The following MAGI2 variants were observed in gnomAD, a reference collection of about 807,000 sequenced individuals.
The protein encoded by MAGI2 is membrane-associated guanylate kinase, WW and PDZ domain-containing protein 2.
MAGI2 carries 35 observed loss-of-function variants against 133.3 expected under a neutral mutation model. That is an observed-to-expected ratio of 0.26 (90% confidence interval 0.20 to 0.35). The LOEUF is 0.35. Ranked by LOEUF, MAGI2 falls within the 10% of genes least tolerant of loss-of-function variation. MAGI2 has a pLI of 1.00. For missense variants in MAGI2, 1,636 were observed against 1,863.4 expected (o/e 0.88, Z 2.25); for synonymous variants, 729 against 710.6 (o/e 1.03, Z -0.41).
chr7:79,164,051 T>C (rs1824686051), intron 1 of MAGI2, among the ~76,000 whole-genome samples: 1 of 152,004 alleles, frequency 6.6e-6, no homozygotes, highest in East Asian at 1.9e-4. Context: ...ACGATTACCA[T>C]CAAATCAGAC....
chr7:78,422,400 C>T (rs77820233), intron 6 of MAGI2, among the ~76,000 whole-genome samples: 2 of 152,052 alleles, frequency 1.3e-5, no homozygotes, highest in Non-Finnish European at 2.9e-5. Flanking sequence ...AGGCAATAGA[C>T]CTGATGTTTT....
intron 1 of MAGI2, among the ~76,000 whole-genome samples, chr7:79,015,921 A>T (rs1366988259): frequency 6.7e-6 from 1 of 148,176 alleles, no homozygotes; most frequent in Non-Finnish European, 1.5e-5. Flanking sequence ...GAAGACACAG[A>T]TACTGGGTCA....
At chr7:78,959,231 T>C (rs1197899849) in intron 2 of MAGI2, among the ~76,000 whole-genome samples, 2 of 152,158 alleles carry the variant, frequency 1.3e-5, no homozygotes, top group Non-Finnish European at 2.9e-5. Context: ...ACTTGGTTCA[T>C]GCAAAGTTAG....
intron 7 of MAGI2, among the ~76,000 whole-genome samples, chr7:78,356,184 T>C (rs1179572844): frequency 1.3e-5 from 2 of 152,214 alleles, no homozygotes; most frequent in Non-Finnish European, 2.9e-5. Flanking sequence ...AAGGTGATTC[T>C]GTGCTAATAT....
chr7:79,100,999 C>G (rs1817925041), intron 1 of MAGI2, among the ~76,000 whole-genome samples: 1 of 151,968 alleles, frequency 6.6e-6, no homozygotes, highest in Non-Finnish European at 1.5e-5. Flanking sequence ...GATTTTATGT[C>G]TAACCCTGCA....
intron 2 of MAGI2, among the ~76,000 whole-genome samples, chr7:78,724,104 G>A (rs912305556): frequency 3.9e-5 from 6 of 152,160 alleles, no homozygotes; most frequent in African/African-American, 1.4e-4. Flanking sequence ...TGTAGCTGAG[G>A]AGATGAGAGA....
intron 2 of MAGI2, among the ~76,000 whole-genome samples, chr7:78,953,352 TTCAAGGTGTAAA>T (rs1473213230): frequency 2.0e-5 from 3 of 152,130 alleles, no homozygotes; most frequent in Non-Finnish European, 2.9e-5. Context: ...TCCTCCCTAT[TTCAAGGTGTAAA>T]TCAAGTGTTG....
chr7:78,565,955 G>A (rs1481661192), intron 3 of MAGI2, among the ~76,000 whole-genome samples: 1 of 152,160 alleles, frequency 6.6e-6, no homozygotes, highest in African/African-American at 2.4e-5. Context: ...CCTCGGTTTA[G>A]TCATCTGTAA....
chr7:79,075,918 G>C (rs1464744345), intron 1 of MAGI2, among the ~76,000 whole-genome samples: 4 of 151,898 alleles, frequency 2.6e-5, no homozygotes, highest in Non-Finnish European at 5.9e-5. Flanking sequence ...CAAATATCTG[G>C]GCAGTTTTAG....
chr7:79,333,508 C>T (rs945646858), intron 1 of MAGI2, among the ~76,000 whole-genome samples: 1 of 152,164 alleles, frequency 6.6e-6, no homozygotes, highest in African/African-American at 2.4e-5. Context: ...ATAAGCCTAC[C>T]AATCCATTTT....
chr7:78,658,979 G>A (rs533162423), intron 2 of MAGI2, among the ~76,000 whole-genome samples: 2 of 152,174 alleles, frequency 1.3e-5, no homozygotes, highest in East Asian at 3.9e-4. Flanking sequence ...TTATCCCAGG[G>A]AAATGACAAG....
intron 12 of MAGI2, among the ~76,000 whole-genome samples, chr7:78,194,418 AT>A (rs1032628922): frequency 6.6e-6 from 1 of 152,146 alleles, no homozygotes; most frequent in African/African-American, 2.4e-5. Flanking sequence ...AAACCAATTG[AT>A]TTCATGCTTG....
chr7:78,060,251 C>CT (rs1813094623), intron 21 of MAGI2, among the ~76,000 whole-genome samples: 1 of 114,318 alleles, frequency 8.7e-6, no homozygotes, highest in Non-Finnish European at 1.8e-5. Context: ...GGGACCCCCC[C>CT]CCCTCTTTAG....
chr7:79,312,169 T>A (rs1489049429), intron 1 of MAGI2, among the ~76,000 whole-genome samples: 1 of 152,188 alleles, frequency 6.6e-6, no homozygotes, highest in Non-Finnish European at 1.5e-5. Flanking sequence ...ATTCAAGCTA[T>A]GATAAGTCAA....
intron 1 of MAGI2, among the ~76,000 whole-genome samples, chr7:79,072,725 C>A (rs1815099436): frequency 6.6e-6 from 1 of 152,118 alleles, no homozygotes; most frequent in Admixed American, 6.5e-5. Flanking sequence ...TATGCATAGA[C>A]CAGGCAGAAG....
intron 9 of MAGI2, among the ~76,000 whole-genome samples, chr7:78,296,987 A>G (rs906283315): frequency 1.3e-5 from 2 of 152,308 alleles, no homozygotes; most frequent in Admixed American, 1.3e-4. Context: ...AACACTATGA[A>G]ACTAGGGCTA....
intron 1 of MAGI2, among the ~76,000 whole-genome samples, chr7:79,153,702 G>C (rs1352478454): frequency 6.6e-6 from 1 of 152,200 alleles, no homozygotes; most frequent in African/African-American, 2.4e-5. Context: ...CCATGGCTGG[G>C]TTTTTATCAC....
chr7:78,397,737 C>T lies in MAGI2; in HGVS notation c.1046-28524G>A, dbSNP rs143334313. Among the ~76,000 whole-genome samples the T allele has an allele frequency of 5.7e-3, 875 of 152,216 alleles. 7 individuals are homozygous for T. The highest frequency in any genetic ancestry group is 0.01 in the Non-Finnish European group (708 of 68,012). On this transcript the variant is annotated intron_variant, in intron 6 of 21. Coordinates refer to ENST00000354212, the MANE Select transcript of MAGI2 (RefSeq NM_012301.4). Reference sequence around the variant, plus strand: ...ATCAAGAAGATGGTGACTCCAGTTTCGCTTCTCACATGACTTCACTGCTAC... The same window carrying T: ...ATCAAGAAGATGGTGACTCCAGTTTTGCTTCTCACATGACTTCACTGCTAC...
chr7:78,480,917 A>G (rs994040701), intron 6 of MAGI2, among the ~76,000 whole-genome samples: 1 of 151,934 alleles, frequency 6.6e-6, no homozygotes, highest in African/African-American at 2.4e-5. Flanking sequence ...GAACTCAAAG[A>G]AGGCTTAAAT....
Sources: allele counts gnomAD v4.1 joint callset (sites outside exome capture counted in the v4.1 genomes callset), GRCh38; gene constraint gnomAD v4.1.1; transcripts MANE v1.5; gene names NCBI Gene and HGNC (gene_info 2026-07-23, HGNC 2026-07-21).